HPSE: variants seen among roughly 807,000 people sequenced by gnomAD.
HPSE encodes the protein heparanase, also known as endo-glucoronidase.
In HPSE, 48 loss-of-function variants were observed where a neutral mutation model predicts 65.1. The observed-to-expected ratio is 0.74, with a 90% CI of 0.58 to 0.94. HPSE has a LOEUF of 0.94. Ranked by LOEUF, HPSE falls within the 40% of genes least tolerant of loss-of-function variation. HPSE has a pLI of 0.00. For synonymous variants in HPSE, 243 were observed against 260.0 expected (o/e 0.93, Z 0.63); for missense variants, 644 against 637.5 (o/e 1.01, Z -0.11).
chr4:83,303,058 A>G lies in HPSE; in HGVS notation c.1207-790T>C, dbSNP rs185560944. 7.9e-4 allele frequency among the ~76,000 whole-genome samples: 120 copies of G among 152,296 alleles called. 1 individual carries two copies. The highest frequency in any genetic ancestry group is 1.0e-3 in the Non-Finnish European group (68 of 68,020). On this transcript the variant is annotated intron_variant, in intron 9 of 11. Transcript: ENST00000311412. ...CCCCAATAAAGTAATGGATTAGGCA[A>G]TGGTCATCAGTAGCTGTCAAGATCA... is the stretch of plus-strand genomic sequence containing the variant.
chr4:83,328,214 C>T (rs1040357459), intron 1 of HPSE, among the ~76,000 whole-genome samples: 3 of 152,182 alleles, frequency 2.0e-5, no homozygotes, highest in Non-Finnish European at 2.9e-5. Context: ...AAAGCCGAAA[C>T]GTTGAATTCA....
At chr4:83,321,263 C>T (rs1179438241) in intron 2 of HPSE, among the ~76,000 whole-genome samples, 3 of 152,126 alleles carry the variant, frequency 2.0e-5, no homozygotes, top group African/African-American at 7.2e-5. Flanking sequence ...AAAGATAACC[C>T]ATCTGTCTTT....
intron 3 of HPSE, among the ~76,000 whole-genome samples, chr4:83,313,665 A>C (rs1009393968): frequency 3.9e-5 from 6 of 152,204 alleles, no homozygotes; most frequent in African/African-American, 1.4e-4. Context: ...TCTAGTCACA[A>C]GTTCAGTTAA....
At chr4:83,298,524 C>G (rs951110522) in intron 11 of HPSE, among the ~76,000 whole-genome samples, 2 of 151,836 alleles carry the variant, frequency 1.3e-5, no homozygotes, top group Non-Finnish European at 2.9e-5. Flanking sequence ...TAAAGTCTTA[C>G]TATGCAGGAC....
At position 83,322,346 on chromosome 4, in the gene HPSE, G is replaced by A; in HGVS notation, c.246C>T (p.Thr82=). ...LILLGSPKLR[T]LARGLSPAYL... is the part of the protein sequence containing the mutation. ...ACGCAGGAGACAAGCCTCTGGCCAA[G>A]GTACGAAGCTTTGGAGAACTGTTAG... Residue 82 remains threonine (T), a synonymous_variant, in exon 2 of 12, where the codon ACC becomes ACT. Transcript: ENST00000311412. 1 of 1,611,554 alleles carries A rather than the reference G, an allele frequency of 6.2e-7. No homozygotes were observed. The highest frequency in any genetic ancestry group is 8.5e-7 in the Non-Finnish European group (1 of 1,179,044).
At chr4:83,335,038 G>T (rs1200119995), upstream of HPSE, 1 of 522,134 alleles carries the variant, frequency 1.9e-6, no homozygotes, top group Non-Finnish European at 3.2e-6. Context: ...TGGCGGTCAC[G>T]TTCACTTACG....
chr4:83,325,380 G>T (rs900362641), intron 1 of HPSE, among the ~76,000 whole-genome samples: 10 of 152,134 alleles, frequency 6.6e-5, no homozygotes. Flanking sequence ...TGGCCAGGCT[G>T]GTCTTGAACT....
intron 11 of HPSE, among the ~76,000 whole-genome samples, chr4:83,299,892 A>C (rs1735876676): frequency 6.6e-6 from 1 of 151,930 alleles, no homozygotes; most frequent in Non-Finnish European, 1.5e-5. Flanking sequence ...TTTTGTAGAG[A>C]GAGTTTTGCC....
At position 83,300,676 on chromosome 4, in the gene HPSE, G is replaced by A. The variant is rs1343907180; in HGVS notation, c.1472+284C>T. On this transcript the variant is annotated intron_variant, in intron 11 of 11. Coordinates refer to ENST00000311412, the MANE Select transcript of HPSE (RefSeq NM_001098540.3). ...TAAAAATACAAAAAATTAGCCGGGC[G>A]TAGTGGCGGGCGCCTGTAGTCCCAG... 2.5e-4 allele frequency among the ~76,000 whole-genome samples: 11 copies of A among 44,278 alleles called. 5 individuals carry two copies. The South Asian group carries it at 0.012, about 49-fold the overall frequency. 29.0% of individuals were successfully genotyped at this position (44,278 alleles called of 152,430 possible).
At chr4:83,329,629 C>T (rs796953649) in intron 1 of HPSE, among the ~76,000 whole-genome samples, 21 of 152,248 alleles carry the variant, frequency 1.4e-4, no homozygotes, top group African/African-American at 5.1e-4. Flanking sequence ...TGGCTGATTT[C>T]CAGATACCCA....
In HPSE at chr4:83,321,114, C is replaced by T. The variant is rs867639476; in HGVS notation, c.373+1105G>A. 1.0e-3 allele frequency among the ~76,000 whole-genome samples: 154 copies of T among 152,146 alleles called. 1 individual carries two copies. The highest frequency in any genetic ancestry group is 3.4e-3 in the African/African-American group (143 of 41,510). ...TCAGGAGGCTAAGGTGGGAAGATTG[C>T]TTGAGCCCAAGAGGTCAAGGCTGCA... is the stretch of plus-strand genomic sequence containing the variant. On this transcript the variant is annotated intron_variant, in intron 2 of 11. Transcript: ENST00000311412.
At chr4:83,307,737 A>G (rs114549941) in intron 8 of HPSE, among the ~76,000 whole-genome samples, 1,777 of 152,242 alleles carry the variant, frequency 0.012, 30 homozygotes, top group African/African-American at 0.041. Flanking sequence ...TCCATTCTTT[A>G]TTCCTCTTGC....
In HPSE at chr4:83,293,794, A is replaced by T. The variant is rs1735629944; in HGVS notation, c.*1550T>A. The stretch of plus-strand genomic sequence containing the variant: ...CTAACAATCTGTCCTCTCACATATT[A>T]TTGCTGACAAAGAAAACCGAAAGAA... On this transcript the variant is annotated 3_prime_UTR_variant, in exon 12 of 12. Transcript: ENST00000311412. The T allele has an allele frequency of 6.6e-6, 1 of 152,196 alleles. No homozygotes were observed. Among genetic ancestry groups the T allele is most frequent in the Non-Finnish European group, 1.5e-5 (1 of 68,032 alleles). The allele number at this position is 152,196 out of a possible 1,614,324, so 9.4% of individuals were successfully genotyped here. A position where few individuals can be genotyped will look rare whatever the true frequency, so the allele number is the denominator to read the frequency against.
chr4:83,334,431 G>C, intron 1 of HPSE, 125 bp downstream of exon 1: 9 of 1,084,962 alleles, frequency 8.3e-6, no homozygotes, highest in Middle Eastern at 3.1e-4. Context: ...GTGGGGTGGG[G>C]AGAGACAGGC....
At chr4:83,317,739 G>A (rs1423438978) in intron 3 of HPSE, among the ~76,000 whole-genome samples, 1 of 151,758 alleles carries the variant, frequency 6.6e-6, no homozygotes, top group Non-Finnish European at 1.5e-5. Context: ...TATATCTTCC[G>A]GGACATGTGT....
At chr4:83,307,485 A>G (rs1014819698) in intron 8 of HPSE, among the ~76,000 whole-genome samples, 2 of 152,200 alleles carry the variant, frequency 1.3e-5, no homozygotes, top group Non-Finnish European at 2.9e-5. Context: ...GACTATTACC[A>G]TGCTAGAGGT....
chr4:83,296,639 C>T (rs1173888683), intron 11 of HPSE, among the ~76,000 whole-genome samples: 1 of 149,430 alleles, frequency 6.7e-6, no homozygotes, highest in East Asian at 2.0e-4. Flanking sequence ...TGCACCACTG[C>T]ACTCCAGCCT....
At position 83,310,720 on chromosome 4, in the gene HPSE, A is replaced by T. The variant is rs759247069; in HGVS notation, c.842+2T>A. ...AGTGATTCTGCATCCTCTAGTTCCT[A>T]CCTCTTCAGCATCTTAGCCGTCTTT... On this transcript the variant is annotated splice_donor_variant, in intron 5 of 11. Coordinates refer to ENST00000311412, the MANE Select transcript of HPSE (RefSeq NM_001098540.3). LOFTEE classifies it high-confidence loss of function. 6.2e-7 allele frequency: 1 copy of T among 1,609,140 alleles called. No homozygotes were observed. The highest frequency in any genetic ancestry group is 8.5e-7 in the Non-Finnish European group (1 of 1,178,252).
chr4:83,311,740 C>T (rs1736384876), intron 4 of HPSE, among the ~76,000 whole-genome samples: 1 of 149,262 alleles, frequency 6.7e-6, no homozygotes, highest in Admixed American at 6.7e-5. Context: ...TATGAACACG[C>T]CACTGCACTC....
Sources: gnomAD v4.1 joint callset for allele counts (sites outside exome capture counted in the v4.1 genomes callset) on GRCh38, gnomAD v4.1.1 for gene constraint, MANE v1.5 for transcripts, NCBI Gene and HGNC (gene_info 2026-07-23, HGNC 2026-07-21) for gene names.